Variants in TRPM3 observed in about 807,000 individuals in gnomAD.
TRPM3 encodes the protein transient receptor potential cation channel subfamily M member 3.
TRPM3 carries 77 observed loss-of-function variants against 181.2 expected under a neutral mutation model. That is an observed-to-expected ratio of 0.42 (90% CI 0.35 to 0.51). The LOEUF is 0.51. TRPM3 is among the 20% of genes least tolerant of loss of function. The probability of loss-of-function intolerance (pLI) is 0.01; values close to 1 mark genes in which losing one functional copy is unlikely to be tolerated. For synonymous variants in TRPM3, 745 were observed against 796.4 expected (o/e 0.94, Z 1.09); for missense variants, 1,759 against 2,196.7 (o/e 0.80, Z 3.98).
At chr9:70,921,765 G>A (rs541592404) in intron 1 of TRPM3, among the ~76,000 whole-genome samples, 70 of 152,122 alleles carry the variant, frequency 4.6e-4, no homozygotes, top group Non-Finnish European at 5.9e-5. Flanking sequence ...ACCATGTCAC[G>A]GATTGCTATA....
intron 1 of TRPM3, among the ~76,000 whole-genome samples, chr9:71,345,241 T>C (rs1317632442): frequency 2.0e-5 from 3 of 152,160 alleles, no homozygotes; most frequent in South Asian, 2.1e-4. Context: ...CATTACTGGG[T>C]ATATGCCCAA....
At chr9:71,224,534 A>G (rs908167051) in intron 1 of TRPM3, among the ~76,000 whole-genome samples, 1 of 152,346 alleles carries the variant, frequency 6.6e-6, no homozygotes, top group South Asian at 2.1e-4. Context: ...CTAGGAAAAT[A>G]TGACCTCACC....
rs118087870 is a variant in TRPM3 at position 71,402,815 on chromosome 9, C to T, written c.183+43838G>A. ...CATGCTGATTGGGCCTCAATTTGAA[C>T]CTTACACTAATCTTATCAGTGTAGG... is the stretch of plus-strand genomic sequence containing the variant. On this transcript the variant is annotated intron_variant, in intron 1 of 24. Coordinates refer to the TRPM3 transcript ENST00000357533. Among the ~76,000 whole-genome samples the T allele has an allele frequency of 5.9e-3, 901 of 152,200 alleles. 9 individuals carry two copies. Among genetic ancestry groups the T allele is most frequent in the Non-Finnish European group, 8.5e-3 (580 of 68,010 alleles).
At chr9:71,057,908 T>C (rs1180114277) in intron 1 of TRPM3, among the ~76,000 whole-genome samples, 2 of 152,098 alleles carry the variant, frequency 1.3e-5, no homozygotes, top group African/African-American at 4.8e-5. Context: ...ATTATGCTTT[T>C]AAAATATGCA....
At chr9:71,192,354 T>C (rs2078084271) in intron 1 of TRPM3, among the ~76,000 whole-genome samples, 1 of 151,724 alleles carries the variant, frequency 6.6e-6, no homozygotes, top group African/African-American at 2.4e-5. Context: ...AATTTAAGGG[T>C]CCAGATTAAG....
chr9:70,920,195 G>A (rs1459766818), intron 1 of TRPM3, among the ~76,000 whole-genome samples: 2 of 152,126 alleles, frequency 1.3e-5, no homozygotes, highest in Non-Finnish European at 2.9e-5. Flanking sequence ...TAGGAATTCA[G>A]CAAACCATTT....
intron 1 of TRPM3, among the ~76,000 whole-genome samples, chr9:71,192,827 T>C (rs1478637233): frequency 1.3e-5 from 2 of 151,882 alleles, no homozygotes; most frequent in African/African-American, 4.8e-5. Flanking sequence ...AGAAAATCAT[T>C]GCCAAGACCA....
intron 1 of TRPM3, among the ~76,000 whole-genome samples, chr9:70,983,802 G>T (rs1242167784): frequency 6.6e-6 from 1 of 152,204 alleles, no homozygotes; most frequent in Non-Finnish European, 1.5e-5. Flanking sequence ...GATGCTGCCA[G>T]TTATTAATCA....
intron 1 of TRPM3, among the ~76,000 whole-genome samples, chr9:70,948,964 G>A (rs919777925): frequency 2.0e-5 from 3 of 152,088 alleles, no homozygotes; most frequent in Non-Finnish European, 2.9e-5. Flanking sequence ...TTTTCTTGAT[G>A]TTGTGTTTTT....
At chr9:71,156,373 A>G (rs901939043) in intron 1 of TRPM3, among the ~76,000 whole-genome samples, 1 of 94,402 alleles carries the variant, frequency 1.1e-5, no homozygotes, top group African/African-American at 4.2e-5. Context: ...TATATATACT[A>G]CAGACACACA....
At position 70,950,008 on chromosome 9, in the gene TRPM3, A is replaced by T. The variant is rs144611871; in HGVS notation, c.178-85497T>A. Among the ~76,000 whole-genome samples the T allele has an allele frequency of 2.1e-3, 315 of 152,284 alleles. 2 individuals are homozygous for T. The highest frequency in any genetic ancestry group is 4.2e-3 in the Admixed American group (64 of 15,286). On this transcript the variant is annotated intron_variant, in intron 1 of 25. Coordinates refer to ENST00000677713, the MANE Select transcript of TRPM3 (RefSeq NM_001366145.2). Reference sequence around the variant, plus strand: ...CTGCAGTTTGGAAGAATGCTAATGCAATTCACTTTGGCATGACTAATGATA... The same window carrying T: ...CTGCAGTTTGGAAGAATGCTAATGCTATTCACTTTGGCATGACTAATGATA...
intron 1 of TRPM3, among the ~76,000 whole-genome samples, chr9:71,167,570 T>C (rs10123263): frequency 0.4 from 61,493 of 151,970 alleles, 12,722 homozygotes; most frequent in East Asian, 0.52. Flanking sequence ...CATTCCTAAA[T>C]TCAACAATCT....
At chr9:70,681,695 C>T in intron 8 of TRPM3, 117 bp from the exon 9 acceptor site, 1 of 868,650 alleles carries the variant, frequency 1.2e-6, no homozygotes, top group Non-Finnish European at 1.9e-6. Flanking sequence ...GATTCTTAAC[C>T]ACAGGGTAAG....
At position 70,629,215 on chromosome 9, in the gene TRPM3, C is replaced by CGGGGGGGGGGG. The variant is rs550040624; in HGVS notation, c.1633-3709_1633-3699dup. On this transcript the variant is annotated intron_variant, in intron 12 of 25. Coordinates refer to ENST00000677713, the MANE Select transcript of TRPM3 (RefSeq NM_001366145.2). The stretch of plus-strand genomic sequence containing the variant: ...GGATAAATGATTCTGTGACCAGTGC[C>CGGGGGGGGGGG]GGGGGGGGGGGGGGCCTGCGTTCTG... Among the ~76,000 whole-genome samples, 4 of 10,172 alleles carry CGGGGGGGGGGG rather than the reference C, an allele frequency of 3.9e-4. 1 individual carries two copies. In the Admixed American group the frequency reaches 7.1e-3, roughly 18 times the overall value. 6.7% of individuals were successfully genotyped at this position (10,172 alleles called of 152,430 possible). A position where few individuals can be genotyped will look rare whatever the true frequency, so the allele number is the denominator to read the frequency against.
rs34900575 is a variant in TRPM3 at position 71,083,713 on chromosome 9, T to TACACACAC, written c.177+37457_177+37464dup. 8.2e-3 allele frequency among the ~76,000 whole-genome samples: 1,198 copies of TACACACAC among 145,372 alleles called. 5 individuals carry two copies. The highest frequency in any genetic ancestry group is 0.01 in the Admixed American group (147 of 14,384). ...AAAGTCCCCAAAATGTATTATTATG[T>TACACACAC]ACACACACACACACACACACACACA... On this transcript the variant is annotated intron_variant, in intron 1 of 25. Transcript: ENST00000677713.
intron 6 of TRPM3, among the ~76,000 whole-genome samples, chr9:70,813,927 T>C (rs898557019): frequency 1.3e-5 from 2 of 152,244 alleles, no homozygotes; most frequent in Non-Finnish European, 2.9e-5. Context: ...CTAGTTGTTA[T>C]TAACTTATTT....
intron 8 of TRPM3, among the ~76,000 whole-genome samples, chr9:70,760,186 C>T (rs2077847334): frequency 6.6e-6 from 1 of 151,644 alleles, no homozygotes; most frequent in South Asian, 2.1e-4. Flanking sequence ...TATGACTTCC[C>T]ACTGGTTCCT....
rs571721356 is a variant in TRPM3 at position 71,033,710 on chromosome 9, G to A, written c.177+87468C>T. Among the ~76,000 whole-genome samples the A allele has an allele frequency of 6.6e-5, 10 of 152,282 alleles. No individual in the cohort carries two copies. In the South Asian group the frequency reaches 2.1e-3, roughly 32 times the overall value. On this transcript the variant is annotated intron_variant, in intron 1 of 25. Coordinates refer to ENST00000677713, the MANE Select transcript of TRPM3 (RefSeq NM_001366145.2). Reference sequence around the variant, plus strand: ...CAAGAACCAATATGGCAGGCTTGCTGAGAGCTTTGGGGTTGCATGGTTTGT... The same window carrying A: ...CAAGAACCAATATGGCAGGCTTGCTAAGAGCTTTGGGGTTGCATGGTTTGT...
chr9:70,594,873 G>C (rs1018207251), intron 21 of TRPM3, among the ~76,000 whole-genome samples: 2 of 152,106 alleles, frequency 1.3e-5, no homozygotes, highest in Non-Finnish European at 2.9e-5. Context: ...GTTCCAGCCT[G>C]GTGGTCCATC....
Sources: allele counts gnomAD v4.1 joint callset (sites outside exome capture counted in the v4.1 genomes callset), GRCh38; gene constraint gnomAD v4.1.1; transcripts MANE v1.5; gene names NCBI Gene and HGNC (gene_info 2026-07-23, HGNC 2026-07-21).